CCDC57: variants seen among roughly 807,000 people sequenced by gnomAD.
CCDC57 encodes coiled-coil domain containing 57.
In CCDC57, 118 loss-of-function variants were observed where a neutral mutation model predicts 118.9. That is an observed-to-expected ratio of 0.99 (90% CI 0.86 to 1.16). The LOEUF (loss-of-function observed/expected upper bound fraction) is 1.16. Ranked by LOEUF, CCDC57 falls within the 50% of genes most tolerant of loss-of-function variation. CCDC57 has a pLI of 0.00. For synonymous variants in CCDC57, 527 were observed against 532.9 expected (o/e 0.99, Z 0.15); for missense variants, 1,300 against 1,320.7 (o/e 0.98, Z 0.24).
At chr17:82,151,930 C>T (rs7501461) in intron 15 of CCDC57, 157 bp from the exon 15 acceptor site, 299,985 of 625,900 alleles carry the variant, frequency 0.48, 77,045 homozygotes, top group East Asian at 0.89. Context: ...CAAAAAGAGT[C>T]GCTGCTCCCA....
At chr17:82,141,899 A>G (rs749182902) in intron 16 of CCDC57, among the ~76,000 whole-genome samples, 1 of 152,184 alleles carries the variant, frequency 6.6e-6, no homozygotes, top group Non-Finnish European at 1.5e-5. Context: ...ATCTGCGTCC[A>G]GCCCCTCATT....
intron 8 of CCDC57, 84 bp from the exon 8 acceptor site, chr17:82,184,016 TGCGCGCGC>T (rs141760654): frequency 0.014 from 4,240 of 305,658 alleles, 578 homozygotes; most frequent in Admixed American, 0.14. Context: ...CAAATACACA[TGCGCGCGC>T]GCGCGCGCAC....
At position 82,192,886 on chromosome 17, in the gene CCDC57, G is replaced by A. The variant is rs532047462; in HGVS notation, c.851+870C>T. ...AAAATCGCCTGAGTCACTGTCCATC[G>A]CCGTTGTATTACACAGTGTCTTTTT... On this transcript the variant is annotated intron_variant, in intron 7 of 19. Coordinates refer to ENST00000665763, the Ensembl canonical transcript of CCDC57. The surrounding 1 kb of genome is among the most constrained non-coding windows in gnomAD (Gnocchi z 4.0). Among the ~76,000 whole-genome samples, 14 of 152,056 alleles carry A rather than the reference G, an allele frequency of 9.2e-5. No homozygotes were observed. The East Asian group carries it at 9.6e-4, about 10-fold the overall frequency.
chr17:82,120,173 TA>T (rs751024024), intron 19 of CCDC57, among the ~76,000 whole-genome samples: 3 of 115,788 alleles, frequency 2.6e-5, no homozygotes, highest in Admixed American at 8.1e-5. Flanking sequence ...TTATTATTAT[TA>T]TTTTTTTTTT....
At chr17:82,202,803 G>C (rs541181673) in intron 2 of CCDC57, among the ~76,000 whole-genome samples, 131 of 152,200 alleles carry the variant, frequency 8.6e-4, no homozygotes, top group African/African-American at 3.0e-3. Context: ...GTAGAGGAAG[G>C]GAAGATGGGA....
Position 82,162,866 on chromosome 17 carries a change from G to A in CCDC57, c.2040+334C>T, listed in dbSNP as rs865871585. The stretch of plus-strand genomic sequence containing the variant: ...CACTGACCAGGACCCCTCTGAGCGG[G>A]CAGGTGGCATCGGGCAGCCCGCACA... On this transcript the variant is annotated intron_variant, in intron 14 of 19. Transcript: ENST00000665763. 4.8e-3 allele frequency among the ~76,000 whole-genome samples: 688 copies of A among 143,996 alleles called. 7 individuals carry two copies. Among genetic ancestry groups the A allele is most frequent in the African/African-American group, 0.018 (672 of 38,244 alleles). The allele number at this position is 143,996 out of a possible 152,430, so 94.5% of individuals were successfully genotyped here.
chr17:82,163,455 G>A lies in CCDC57; in HGVS notation c.1883-98C>T, dbSNP rs1035503305. 4.1e-6 allele frequency: 6 copies of A among 1,449,844 alleles called. No homozygotes were observed. The African/African-American group carries it at 7.0e-5, about 17-fold the overall frequency. The allele number at this position is 1,449,844 out of a possible 1,614,324, so 89.8% of individuals were successfully genotyped here. On this transcript the variant is annotated intron_variant, in intron 13 of 19. Transcript: ENST00000665763. ...TCTATCAGCTCTCCCTTTCCCGTGA[G>A]GCCATGGCACCAGCGGCTGACCCCA...
intron 19 of CCDC57, among the ~76,000 whole-genome samples, chr17:82,109,685 G>A (rs1039337152): frequency 6.6e-6 from 1 of 151,770 alleles, no homozygotes; most frequent in Non-Finnish European, 1.5e-5. Context: ...GTGAAACTCC[G>A]TCTCTACTAA....
At chr17:82,129,904 A>G (rs1464897545) in intron 17 of CCDC57, among the ~76,000 whole-genome samples, 1 of 151,724 alleles carries the variant, frequency 6.6e-6, no homozygotes, top group Non-Finnish European at 1.5e-5. Flanking sequence ...AAATAAATAA[A>G]TAAAAAATTA....
intron 15 of CCDC57, chr17:82,157,015 G>A (rs2042760658): frequency 6.6e-6 from 1 of 152,646 alleles, no homozygotes; most frequent in African/African-American, 2.4e-5. Context: ...GTTACCACAG[G>A]TCATAGGTCA....
chr17:82,127,324 A>G, intron 19 of CCDC57: 1 of 984,998 alleles, frequency 1.0e-6, no homozygotes, highest in African/African-American at 1.7e-5. Context: ...TCTAAAGTGC[A>G]CCAATGCCCA....
intron 19 of CCDC57, among the ~76,000 whole-genome samples, chr17:82,116,411 C>A (rs2035926601): frequency 6.6e-6 from 1 of 152,086 alleles, no homozygotes; most frequent in Non-Finnish European, 1.5e-5. Flanking sequence ...GGGCGGCCCA[C>A]TGAGCCCTGG....
At chr17:82,193,728 G>A (rs767414122) in intron 7 of CCDC57, 28 bp downstream of exon 6, 62 of 1,567,212 alleles carry the variant, frequency 4.0e-5, no homozygotes, top group Non-Finnish European at 4.9e-5. Context: ...CTGACATGCT[G>A]CATGATGTTG....
chr17:82,158,179 G>C (rs1011315638), intron 14 of CCDC57, among the ~76,000 whole-genome samples: 8 of 152,228 alleles, frequency 5.3e-5, no homozygotes, highest in Non-Finnish European at 1.2e-4. Context: ...CCCTGCTCTG[G>C]ACTCCTAGGC....
intron 8 of CCDC57, among the ~76,000 whole-genome samples, chr17:82,187,137 T>G (rs547494027): frequency 2.0e-5 from 3 of 148,284 alleles, no homozygotes; most frequent in South Asian, 2.1e-4. Flanking sequence ...CTTGGGAGGC[T>G]GAGGCAGGAG....
chr17:82,113,693 G>A, intron 19 of CCDC57: 1 of 715,042 alleles, frequency 1.4e-6, no homozygotes, highest in Non-Finnish European at 2.6e-6. Flanking sequence ...AGCACTTTGG[G>A]AGGCCAAGGC....
intron 16 of CCDC57, among the ~76,000 whole-genome samples, chr17:82,141,447 A>T (rs945525554): frequency 3.3e-5 from 5 of 152,198 alleles, no homozygotes; most frequent in Non-Finnish European, 7.3e-5. Context: ...AGGCCTCCCA[A>T]AGTGTTGGGA....
At chr17:82,159,708 G>T (rs558082356) in intron 14 of CCDC57, among the ~76,000 whole-genome samples, 182 of 145,522 alleles carry the variant, frequency 1.3e-3, no homozygotes, top group African/African-American at 4.5e-3. Context: ...GTCTTGCTCT[G>T]TCGCCCAGGC....
chr17:82,212,834 G>T (rs1429617378), upstream of CCDC57: 1 of 151,812 alleles, frequency 6.6e-6, no homozygotes, highest in Non-Finnish European at 1.5e-5. This position sits in a 1 kb window ranked among gnomAD's most constrained non-coding sequence, Gnocchi z 4.1. Context: ...TTGCCACAGC[G>T]ACCGGGTCAG....
Sources: allele counts gnomAD v4.1 joint callset (sites outside exome capture counted in the v4.1 genomes callset), GRCh38; gene constraint gnomAD v4.1.1; non-coding constraint Gnocchi (gnomAD v3.1); transcripts MANE v1.5; gene names NCBI Gene and HGNC (gene_info 2026-07-23, HGNC 2026-07-21).